Variants in MIR2052HG observed in about 807,000 individuals in gnomAD.
The protein encoded by MIR2052HG is MIR2052 host gene.
At chr8:74,703,988 G>A (rs1809383402) in intron 4 of MIR2052HG, among the ~76,000 whole-genome samples, 1 of 152,002 alleles carries the variant, frequency 6.6e-6, no homozygotes, top group South Asian at 2.1e-4. Flanking sequence ...TTGGAGAGGA[G>A]TAGTTATATT....
intron 1 of MIR2052HG, among the ~76,000 whole-genome samples, chr8:74,602,838 T>TTTCC (rs1563508566): frequency 2.0e-4 from 22 of 109,202 alleles, no homozygotes; most frequent in Non-Finnish European, 3.8e-4. Flanking sequence ...TCTTTCTTTC[T>TTTCC]TTCTTTCTTT....
chr8:74,736,560 C>T (rs983128477), intron 4 of MIR2052HG, among the ~76,000 whole-genome samples: 4 of 152,044 alleles, frequency 2.6e-5, no homozygotes, highest in South Asian at 4.2e-4. Flanking sequence ...CAGGGAAGGC[C>T]GTGGGAATTG....
rs766992986 is a variant in MIR2052HG at position 74,643,730 on chromosome 8, C to T, written n.216+30790C>T. On this transcript the variant is annotated intron_variant and non_coding_transcript_variant, in intron 2 of 6. Coordinates refer to ENST00000523442, the Ensembl canonical transcript of MIR2052HG. ...TTTAGAGATAAGTAGCAAAGTTTCC[C>T]TTGTACGGACAGCTCTCTTAAATTC... Among the ~76,000 whole-genome samples, 12 of 152,170 alleles carry T rather than the reference C, an allele frequency of 7.9e-5. 1 individual carries two copies. Among genetic ancestry groups the T allele is most frequent in the Middle Eastern group, 6.8e-3 (2 of 294 alleles).
At chr8:74,749,221 A>T (rs555020878) in intron 4 of MIR2052HG, among the ~76,000 whole-genome samples, 1 of 152,338 alleles carries the variant, frequency 6.6e-6, no homozygotes, top group East Asian at 1.9e-4. Context: ...ATCAGCAAAC[A>T]TATCTTTCTA....
chr8:74,660,774 T>G (rs1184364382), intron 2 of MIR2052HG, among the ~76,000 whole-genome samples: 3 of 152,138 alleles, frequency 2.0e-5, no homozygotes, highest in Non-Finnish European at 2.9e-5. Context: ...ATTTCAAATA[T>G]AGTCACTCTC....
intron 2 of MIR2052HG, among the ~76,000 whole-genome samples, chr8:74,688,846 T>C (rs1036708215): frequency 6.6e-6 from 1 of 152,120 alleles, no homozygotes; most frequent in Non-Finnish European, 1.5e-5. Context: ...CAAAGTTCAT[T>C]ATATCATTTT....
At chr8:74,756,945 T>C (rs945803496) in intron 5 of MIR2052HG, 2 of 152,216 alleles carry the variant, frequency 1.3e-5, no homozygotes, top group Admixed American at 6.5e-5. Flanking sequence ...TGAAATAGAC[T>C]AGGGACTGGC....
At chr8:74,694,640 T>C (rs558871464) in intron 2 of MIR2052HG, among the ~76,000 whole-genome samples, 1 of 151,908 alleles carries the variant, frequency 6.6e-6, no homozygotes, top group Non-Finnish European at 1.5e-5. Flanking sequence ...ATAGCATAAA[T>C]AAAAATCAAA....
chr8:74,652,333 C>G (rs1231225380), intron 2 of MIR2052HG, among the ~76,000 whole-genome samples: 1 of 152,118 alleles, frequency 6.6e-6, no homozygotes, highest in Non-Finnish European at 1.5e-5. Flanking sequence ...CTGGTTGGAG[C>G]CAGTGATACT....
At chr8:74,629,222 C>A (rs547802706) in intron 2 of MIR2052HG, among the ~76,000 whole-genome samples, 5 of 152,072 alleles carry the variant, frequency 3.3e-5, no homozygotes, top group Non-Finnish European at 5.9e-5. Context: ...TGTTAGGCCA[C>A]GGTAAACTGT....
intron 2 of MIR2052HG, among the ~76,000 whole-genome samples, chr8:74,667,748 G>A (rs965058890): frequency 1.3e-5 from 2 of 152,032 alleles, no homozygotes; most frequent in East Asian, 3.9e-4. Flanking sequence ...TTTAACCACC[G>A]CAGCACTCCA....
chr8:74,602,876 T>TCTTTC (rs1554570015), intron 1 of MIR2052HG, among the ~76,000 whole-genome samples: 134 of 136,964 alleles, frequency 9.8e-4, no homozygotes, highest in Middle Eastern at 3.8e-3. Flanking sequence ...TTTCTTTCTT[T>TCTTTC]TTTCTATTCA....
chr8:74,647,156 A>G (rs1413777273), intron 2 of MIR2052HG, among the ~76,000 whole-genome samples: 1 of 152,158 alleles, frequency 6.6e-6, no homozygotes, highest in African/African-American at 2.4e-5. Context: ...GCATATATGC[A>G]TATATATGCA....
intron 4 of MIR2052HG, among the ~76,000 whole-genome samples, chr8:74,748,179 C>A (rs186561402): frequency 1.3e-5 from 2 of 152,296 alleles, no homozygotes; most frequent in Middle Eastern, 3.4e-3. Context: ...AGCCAAAATT[C>A]AAAGGCAGAA....
intron 2 of MIR2052HG, among the ~76,000 whole-genome samples, chr8:74,687,547 G>T (rs1033331530): frequency 5.3e-5 from 8 of 152,068 alleles, no homozygotes; most frequent in Admixed American, 4.6e-4. Context: ...GTGACAACTG[G>T]AGAACATTAT....
At chr8:74,716,258 G>A (rs1366657414) in intron 4 of MIR2052HG, among the ~76,000 whole-genome samples, 1 of 152,176 alleles carries the variant, frequency 6.6e-6, no homozygotes, top group Non-Finnish European at 1.5e-5. Context: ...GGTGCTTGTA[G>A]TAGGCAGTTC....
At chr8:74,635,130 C>T (rs537063558) in intron 2 of MIR2052HG, among the ~76,000 whole-genome samples, 29 of 152,062 alleles carry the variant, frequency 1.9e-4, no homozygotes, top group African/African-American at 6.7e-4. Flanking sequence ...GTATTATGGT[C>T]TCATTTGACT....
intron 4 of MIR2052HG, among the ~76,000 whole-genome samples, chr8:74,726,642 T>C (rs1432575500): frequency 6.6e-6 from 1 of 152,220 alleles, no homozygotes; most frequent in East Asian, 1.9e-4. Context: ...AAAAGCATCC[T>C]TGTACTAGGA....
At chr8:74,669,096 A>G (rs1222415775) in intron 2 of MIR2052HG, among the ~76,000 whole-genome samples, 1 of 152,192 alleles carries the variant, frequency 6.6e-6, no homozygotes, top group Non-Finnish European at 1.5e-5. Flanking sequence ...AAACTTTTAA[A>G]TCAACATTTC....
Sources: allele counts gnomAD v4.1 joint callset (sites outside exome capture counted in the v4.1 genomes callset), GRCh38; gene constraint gnomAD v4.1.1; transcripts MANE v1.5; gene names NCBI Gene and HGNC (gene_info 2026-07-23, HGNC 2026-07-21).